Variants in CA13 observed in about 807,000 individuals in gnomAD.
The protein encoded by CA13 is CA-XIII.
CA13 carries 21 observed loss-of-function variants against 31.5 expected under a neutral mutation model. The ratio of observed to expected loss-of-function variants is 0.67; its 90% CI spans 0.47 to 0.96. The LOEUF is 0.96. Ranked by LOEUF, CA13 falls within the 40% of genes least tolerant of loss-of-function variation. CA13 has a pLI of 0.00. For synonymous variants in CA13, 117 were observed against 111.4 expected (o/e 1.05, Z -0.32); for missense variants, 315 against 318.9 (o/e 0.99, Z 0.09).
intron 2 of CA13, among the ~76,000 whole-genome samples, chr8:85,251,482 C>G (rs187281875): frequency 2.2e-3 from 335 of 152,110 alleles, no homozygotes; most frequent in Middle Eastern, 6.8e-3. Flanking sequence ...TAAAATTGAC[C>G]TTAGCTTGTT....
chr8:85,245,892 G>C (rs1487610337), intron 1 of CA13, 27 bp downstream of exon 1: 1 of 1,614,062 alleles, frequency 6.2e-7, no homozygotes, highest in Non-Finnish European at 8.5e-7. Flanking sequence ...GATCCAAGGG[G>C]GGGTTTGTGC....
chr8:85,281,105 T>G, intron 6 of CA13, 125 bp from the exon 7 acceptor site: 1 of 1,187,160 alleles, frequency 8.4e-7, no homozygotes. Flanking sequence ...ATATGACATG[T>G]AACAGAAAAT....
At chr8:85,262,424 A>G (rs1324152034) in intron 3 of CA13, among the ~76,000 whole-genome samples, 2 of 152,158 alleles carry the variant, frequency 1.3e-5, no homozygotes, top group Non-Finnish European at 2.9e-5. Flanking sequence ...GTGGTTTTGC[A>G]TAAAATCATG....
chr8:85,248,033 G>A (rs527421454), intron 1 of CA13, among the ~76,000 whole-genome samples: 2 of 152,286 alleles, frequency 1.3e-5, no homozygotes, highest in South Asian at 2.1e-4. Context: ...AAATAACTTA[G>A]GATTCTTCCC....
At chr8:85,276,031 C>A (rs1807598859) in intron 6 of CA13, among the ~76,000 whole-genome samples, 2 of 152,296 alleles carry the variant, frequency 1.3e-5, no homozygotes, top group African/African-American at 2.4e-5. Context: ...AAGGCCGGAG[C>A]CGGCTCCCTC....
intron 6 of CA13, among the ~76,000 whole-genome samples, chr8:85,280,010 A>G (rs534803694): frequency 5.1e-4 from 78 of 152,210 alleles, no homozygotes; most frequent in African/African-American, 1.8e-3. Context: ...GGCCGGGTGC[A>G]GTGGCTCCCG....
At position 85,278,557 on chromosome 8, in the gene CA13, A is replaced by G. The variant is rs1807652370; in HGVS notation, c.670-2673A>G. Among the ~76,000 whole-genome samples, 2 of 152,184 alleles carry G rather than the reference A, an allele frequency of 1.3e-5. 1 individual carries two copies. The highest frequency in any genetic ancestry group is 4.1e-4 in the South Asian group (2 of 4,832). ...AAATGTTAGAAATGTGATGTATTAT[A>G]GGGATGTATTTGGAAATGTTTCCAC... On this transcript the variant is annotated intron_variant, in intron 6 of 6. Transcript: ENST00000321764.
intron 6 of CA13, among the ~76,000 whole-genome samples, chr8:85,276,793 TC>T (rs200281395): frequency 0.014 from 2,099 of 152,046 alleles, 55 homozygotes; most frequent in African/African-American, 0.048. Flanking sequence ...AATGCACCAG[TC>T]GACACTCTGT....
intron 2 of CA13, among the ~76,000 whole-genome samples, chr8:85,251,936 T>G (rs1180951281): frequency 6.6e-6 from 1 of 152,196 alleles, no homozygotes; most frequent in Non-Finnish European, 1.5e-5. Flanking sequence ...ATAGACATCT[T>G]TCCAGATTAA....
intron 6 of CA13, among the ~76,000 whole-genome samples, chr8:85,276,225 C>T (rs1807604253): frequency 6.6e-6 from 1 of 152,186 alleles, no homozygotes; most frequent in Non-Finnish European, 1.5e-5. Flanking sequence ...CTGCTGTGCT[C>T]AATTTCTCGC....
intron 5 of CA13, 55 bp from the exon 6 acceptor site, chr8:85,268,417 G>A: frequency 6.7e-7 from 1 of 1,503,348 alleles, no homozygotes; most frequent in Admixed American, 1.7e-5. Flanking sequence ...TGTTTTTTGA[G>A]GTCTATGTAG....
chr8:85,250,829 T>G lies in CA13; in HGVS notation c.127T>G (p.Ser43Ala). ...TAAAACCAAAGAAGTGAAATATGAC[T>G]CTTCCCTCCGACCACTTAGTATCAA... ...EIKTKEVKYD[S>A]SLRPLSIKYD... The change falls in exon 2 of 7, where the codon TCT (serine) becomes GCT (alanine). Residue 43 changes from serine (S) to alanine (A), a missense_variant. Ser to Ala is a moderately conservative substitution (Grantham distance 99). Coordinates refer to ENST00000321764, the MANE Select transcript of CA13 (RefSeq NM_198584.3). 6.2e-7 allele frequency: 1 copy of G among 1,613,938 alleles called. No individual in the cohort carries two copies. The highest frequency in any genetic ancestry group is 8.5e-7 in the Non-Finnish European group (1 of 1,179,830).
intron 3 of CA13, among the ~76,000 whole-genome samples, chr8:85,263,474 T>C (rs958031377): frequency 6.6e-6 from 1 of 152,150 alleles, no homozygotes; most frequent in African/African-American, 2.4e-5. Context: ...AAGTGAGCAG[T>C]GACAGTAATT....
At chr8:85,247,464 A>T (rs1813752156) in intron 1 of CA13, among the ~76,000 whole-genome samples, 1 of 152,138 alleles carries the variant, frequency 6.6e-6, no homozygotes, top group Non-Finnish European at 1.5e-5. Context: ...TTTAGATGCG[A>T]TCTCTCTCTG....
chr8:85,247,720 G>C (rs1434071972), intron 1 of CA13, among the ~76,000 whole-genome samples: 1 of 152,030 alleles, frequency 6.6e-6, no homozygotes, highest in South Asian at 2.1e-4. Flanking sequence ...ATAGGCATGA[G>C]CCACCATGCC....
At chr8:85,267,341 G>A in intron 4 of CA13, 11 of 981,170 alleles carry the variant, frequency 1.1e-5, no homozygotes, top group Non-Finnish European at 1.3e-5. Flanking sequence ...CAGGATCCGG[G>A]TGCTTTAAAA....
chr8:85,280,697 A>G (rs1173249133), intron 6 of CA13, among the ~76,000 whole-genome samples: 1 of 152,218 alleles, frequency 6.6e-6, no homozygotes, highest in African/African-American at 2.4e-5. Context: ...ACTAAATCTT[A>G]ATAAGTGATA....
chr8:85,278,925 CAG>C (rs761863817), intron 6 of CA13, among the ~76,000 whole-genome samples: 1 of 152,006 alleles, frequency 6.6e-6, no homozygotes, highest in African/African-American at 2.4e-5. Context: ...GTATTATTGA[CAG>C]GGGTATTTTG....
chr8:85,266,566 T>A, intron 3 of CA13, 42 bp from the exon 4 acceptor site: 1 of 1,449,756 alleles, frequency 6.9e-7, no homozygotes, highest in Non-Finnish European at 9.6e-7. Context: ...TTTCAGGATG[T>A]CTAACAAAAC....
Sources: allele counts gnomAD v4.1 joint callset (sites outside exome capture counted in the v4.1 genomes callset), GRCh38; gene constraint gnomAD v4.1.1; transcripts MANE v1.5; gene names NCBI Gene and HGNC (gene_info 2026-07-23, HGNC 2026-07-21).